CLSTN2: variants seen among roughly 807,000 people sequenced by gnomAD.
The protein encoded by CLSTN2 is calsyntenin 2, also known as calsyntenin-2.
A neutral mutation model predicts 101.2 loss-of-function variants in CLSTN2; 48 were observed. That is an observed-to-expected ratio of 0.47 (90% CI 0.38 to 0.60). The LOEUF is 0.60. CLSTN2 is among the 20% of genes least tolerant of loss of function. The pLI, the probability that CLSTN2 is intolerant of heterozygous loss-of-function variation, is 0.00. For synonymous variants in CLSTN2, 481 were observed against 463.6 expected (o/e 1.04, Z -0.48); for missense variants, 1,160 against 1,238.2 (o/e 0.94, Z 0.95).
chr3:140,339,035 A>C (rs1193130378), intron 2 of CLSTN2, among the ~76,000 whole-genome samples: 1 of 152,178 alleles, frequency 6.6e-6, no homozygotes, highest in Non-Finnish European at 1.5e-5. Flanking sequence ...GCAGTGGCTC[A>C]CCTGGGTGAA....
At chr3:140,357,414 G>A (rs1217269459) in intron 2 of CLSTN2, among the ~76,000 whole-genome samples, 1 of 152,116 alleles carries the variant, frequency 6.6e-6, no homozygotes, top group Admixed American at 6.5e-5. Context: ...CACATCCACA[G>A]ACACCCCCTC....
intron 2 of CLSTN2, among the ~76,000 whole-genome samples, chr3:140,305,921 A>AT (rs2087109992): frequency 6.6e-6 from 1 of 152,124 alleles, no homozygotes; most frequent in Admixed American, 6.5e-5. Context: ...CTTTCCAAGT[A>AT]TTTTTGCAGT....
chr3:140,305,000 C>T (rs1344950462), intron 2 of CLSTN2, among the ~76,000 whole-genome samples: 1 of 151,666 alleles, frequency 6.6e-6, no homozygotes, highest in Admixed American at 6.6e-5. Flanking sequence ...CCCTGGAGGA[C>T]ATAGCTGTCA....
chr3:140,263,103 C>T (rs551320301), intron 2 of CLSTN2, among the ~76,000 whole-genome samples: 49 of 149,502 alleles, frequency 3.3e-4, no homozygotes, highest in Non-Finnish European at 5.2e-4. Context: ...AATGAGAAGA[C>T]TGCAAGGGAA....
chr3:140,278,313 C>A (rs2086813570), intron 2 of CLSTN2, among the ~76,000 whole-genome samples: 1 of 150,828 alleles, frequency 6.6e-6, no homozygotes, highest in Non-Finnish European at 1.5e-5. Flanking sequence ...CTTTTCTACC[C>A]TTCTTTCCCA....
At chr3:140,320,294 G>A (rs1283398969) in intron 2 of CLSTN2, among the ~76,000 whole-genome samples, 5 of 152,154 alleles carry the variant, frequency 3.3e-5, no homozygotes, top group Non-Finnish European at 7.3e-5. Flanking sequence ...TCAGTTTTCA[G>A]GTAGAGATTG....
chr3:140,003,201 A>G (rs1400196488), intron 1 of CLSTN2, among the ~76,000 whole-genome samples: 1 of 152,158 alleles, frequency 6.6e-6, no homozygotes, highest in Non-Finnish European at 1.5e-5. Flanking sequence ...ACGAACATGG[A>G]AAGTCTTTCA....
At chr3:140,111,431 C>G (rs1187002182) in intron 1 of CLSTN2, among the ~76,000 whole-genome samples, 1 of 152,146 alleles carries the variant, frequency 6.6e-6, no homozygotes, top group East Asian at 1.9e-4. Context: ...GGCAGGCTAC[C>G]TGGAGAGACC....
In CLSTN2 at chr3:140,389,444, C is replaced by T. The variant is rs143659502; in HGVS notation, c.233-14185C>T. ...GAAGATAATAGCTTCCAGCTCCATC[C>T]ATGTCCCTGCAAAGGACATGATCTT... On this transcript the variant is annotated intron_variant, in intron 2 of 16. Coordinates refer to ENST00000458420, the MANE Select transcript of CLSTN2 (RefSeq NM_022131.3). Among the ~76,000 whole-genome samples, 104 of 152,310 alleles carry T rather than the reference C, an allele frequency of 6.8e-4. No homozygotes were observed. The East Asian group carries it at 0.019, about 28-fold the overall frequency.
chr3:140,238,611 G>A (rs2086435372), intron 2 of CLSTN2, among the ~76,000 whole-genome samples: 1 of 152,088 alleles, frequency 6.6e-6, no homozygotes, highest in East Asian at 1.9e-4. Flanking sequence ...AATAAAAAAA[G>A]AAGAACATTT....
Position 140,242,136 on chromosome 3 carries a change from T to C in CLSTN2, c.232+66063T>C, listed in dbSNP as rs2086475393. ...CATGCTGGCCAGGCTGGTCTCGAAT[T>C]CCTGACCTCAGGTAATCTGCCCACC... On this transcript the variant is annotated intron_variant, in intron 2 of 16. Coordinates refer to ENST00000458420, the MANE Select transcript of CLSTN2 (RefSeq NM_022131.3). Among the ~76,000 whole-genome samples the C allele has an allele frequency of 2.0e-5, 3 of 152,078 alleles. No individual in the cohort carries two copies. The South Asian group carries it at 6.2e-4, about 32-fold the overall frequency.
chr3:140,107,878 ATC>A (rs2009088057), intron 1 of CLSTN2, among the ~76,000 whole-genome samples: 1 of 152,172 alleles, frequency 6.6e-6, no homozygotes, highest in African/African-American at 2.4e-5. Flanking sequence ...ATAGGTGTCC[ATC>A]TCTCAGTTTG....
intron 1 of CLSTN2, among the ~76,000 whole-genome samples, chr3:140,104,459 T>C (rs1297498718): frequency 6.6e-6 from 1 of 152,226 alleles, no homozygotes. Flanking sequence ...GCTCCTAGTT[T>C]TCTTGTTCCT....
intron 1 of CLSTN2, among the ~76,000 whole-genome samples, chr3:140,064,233 T>C (rs2008260304): frequency 1.3e-5 from 2 of 152,218 alleles, no homozygotes; most frequent in South Asian, 4.1e-4. Flanking sequence ...TCAACAGTTA[T>C]GCAATCCCTT....
At chr3:140,131,543 A>G (rs2009523610) in intron 1 of CLSTN2, among the ~76,000 whole-genome samples, 1 of 152,220 alleles carries the variant, frequency 6.6e-6, no homozygotes, top group African/African-American at 2.4e-5. Flanking sequence ...GTTCACATTT[A>G]GAATGAATAT....
chr3:140,301,866 C>G (rs2087062379), intron 2 of CLSTN2, among the ~76,000 whole-genome samples: 1 of 152,032 alleles, frequency 6.6e-6, no homozygotes, highest in African/African-American at 2.4e-5. Flanking sequence ...ACAGCAATCT[C>G]AGGACAGAGG....
chr3:140,116,324 A>T (rs995104803), intron 1 of CLSTN2, among the ~76,000 whole-genome samples: 1 of 152,250 alleles, frequency 6.6e-6, no homozygotes, highest in African/African-American at 2.4e-5. Flanking sequence ...AAAAGTAAAT[A>T]TGGTGAAATC....
chr3:139,977,282 A>G (rs1207921395), intron 1 of CLSTN2, among the ~76,000 whole-genome samples: 1 of 152,098 alleles, frequency 6.6e-6, no homozygotes, highest in East Asian at 1.9e-4. Flanking sequence ...GGATGGAACA[A>G]GGGATAAAGG....
At chr3:140,037,346 T>C (rs2007674052) in intron 1 of CLSTN2, among the ~76,000 whole-genome samples, 1 of 152,190 alleles carries the variant, frequency 6.6e-6, no homozygotes, top group South Asian at 2.1e-4. Context: ...GACCTCTTTT[T>C]TCCCCTAATC....
Sources: allele counts gnomAD v4.1 joint callset (sites outside exome capture counted in the v4.1 genomes callset), GRCh38; gene constraint gnomAD v4.1.1; transcripts MANE v1.5; gene names NCBI Gene and HGNC (gene_info 2026-07-23, HGNC 2026-07-21).